Variants in HSPH1 observed in about 807,000 individuals in gnomAD.
HSPH1 encodes the protein heat shock protein family H (Hsp110) member 1.
HSPH1 carries 40 observed loss-of-function variants against 100.0 expected under a neutral mutation model. That is an observed-to-expected ratio of 0.40 (90% CI 0.31 to 0.52). The LOEUF is 0.52. HSPH1 is among the 20% of genes least tolerant of loss of function. The pLI is 0.54. For synonymous variants in HSPH1, 403 were observed against 344.0 expected, an observed-to-expected ratio of 1.17 and a Z score of -1.90; for missense variants, 876 against 1,015.1, an observed-to-expected ratio of 0.86 and a Z score of 1.86.
In HSPH1 at chr13:31,155,594, T is replaced by C. The variant is rs752122821; in HGVS notation, c.226A>G (p.Asn76Asp). Residue 76 changes from asparagine to aspartate, a missense_variant, in exon 3 of 18, where the codon AAT (asparagine) becomes GAT (aspartate). Physicochemically the swap from Asn to Asp is conservative, Grantham distance 23. Transcript: ENST00000320027. ...NFKRFHGRAF[N>D]DPFIQKEKEN... ...TTCTCCTTTTGAATGAAGGGGTCAT[T>C]GAATGCTCGGCCATGAAATCTTTTG... 11 of 1,611,672 alleles carry C rather than the reference T, an allele frequency of 6.8e-6. No individual in the cohort carries two copies. The highest frequency in any genetic ancestry group is 6.6e-5 in the South Asian group (6 of 90,856).
chr13:31,160,815 T>C (rs1956873285), intron 1 of HSPH1, among the ~76,000 whole-genome samples: 1 of 152,156 alleles, frequency 6.6e-6, no homozygotes, highest in African/African-American at 2.4e-5. Context: ...CTTTCGACAA[T>C]GATCCCGGGC....
At chr13:31,161,939 T>G (rs1442106236), upstream of HSPH1, 2 of 1,535,318 alleles carry the variant, frequency 1.3e-6, no homozygotes, top group Non-Finnish European at 8.7e-7. Context: ...GCCTTATGTA[T>G]CGCACTGATC....
rs1041568988 is a variant in HSPH1 at position 31,161,598 on chromosome 13, C to T, written c.-16G>A. ...CCACCGACATGGCCGGCTCGCGGTC[C>T]GCCTCCGCCTCGGGTCTCGGTCTGC... On this transcript the variant is annotated 5_prime_UTR_variant, in exon 1 of 18. Transcript: ENST00000320027. 4 of 1,611,072 alleles carry T rather than the reference C, an allele frequency of 2.5e-6. No individual in the cohort carries two copies. The highest frequency in any genetic ancestry group is 3.4e-6 in the Non-Finnish European group (4 of 1,179,420).
At chr13:31,152,014 G>GT (rs1956506048) in intron 5 of HSPH1, 1 of 324,834 alleles carries the variant, frequency 3.1e-6, no homozygotes, top group Non-Finnish European at 5.6e-6. Flanking sequence ...ACATAACCAC[G>GT]TATCACAGAC....
rs1033765327 is a variant in HSPH1, at chr13:31,136,404, T to C, written c.*914A>G. ...TAACGAAGTGTTAACAATGTTTTCT[T>C]CTGGGTGGCAAGATTTTAAGTTTTA... On this transcript the variant is annotated 3_prime_UTR_variant, in exon 18 of 18. Coordinates refer to ENST00000320027, the MANE Select transcript of HSPH1 (RefSeq NM_006644.4). The C allele has an allele frequency of 3.3e-5, 5 of 152,198 alleles. No homozygotes were observed. Among genetic ancestry groups the C allele is most frequent in the African/African-American group, 1.2e-4 (5 of 41,450 alleles). The allele number at this position is 152,198 out of a possible 1,614,324, so 9.4% of individuals were successfully genotyped here.
chr13:31,139,148 C>G (rs376722180), intron 14 of HSPH1, 41 bp from the exon 15 acceptor site: 1 of 1,216,562 alleles, frequency 8.2e-7, no homozygotes, highest in Non-Finnish European at 1.2e-6. Context: ...ACTCGTACTT[C>G]AGAATTTTTC....
intron 7 of HSPH1, among the ~76,000 whole-genome samples, chr13:31,150,589 T>G (rs1956451297): frequency 6.6e-6 from 1 of 152,118 alleles, no homozygotes; most frequent in South Asian, 2.1e-4. Context: ...ATGCAGCCCT[T>G]CTAAATGTTT....
At chr13:31,149,061 A>G (rs903981653) in intron 8 of HSPH1, among the ~76,000 whole-genome samples, 1 of 152,148 alleles carries the variant, frequency 6.6e-6, no homozygotes, top group Admixed American at 6.5e-5. Flanking sequence ...ATCATTTACT[A>G]TAGGATCCTT....
intron 11 of HSPH1, among the ~76,000 whole-genome samples, chr13:31,144,796 T>C (rs928649278): frequency 6.6e-6 from 1 of 152,180 alleles, no homozygotes; most frequent in African/African-American, 2.4e-5. Context: ...GCACTCATCA[T>C]TTAACCCATT....
At chr13:31,145,831 G>C (rs1373040048) in intron 10 of HSPH1, 63 bp from the exon 11 acceptor site, 1 of 1,490,186 alleles carries the variant, frequency 6.7e-7, no homozygotes, top group Non-Finnish European at 9.3e-7. Flanking sequence ...CTAAATCTCT[G>C]TAGAGGAGGC....
At chr13:31,145,944 G>A (rs1009211239) in intron 10 of HSPH1, among the ~76,000 whole-genome samples, 176 bp from the exon 11 acceptor site, 1 of 151,964 alleles carries the variant, frequency 6.6e-6, no homozygotes, top group Non-Finnish European at 1.5e-5. Flanking sequence ...AGTGAGATCT[G>A]TCTCTACAAA....
At chr13:31,154,920 G>A (rs1201119790) in intron 3 of HSPH1, among the ~76,000 whole-genome samples, 165 bp from the exon 4 acceptor site, 2 of 152,022 alleles carry the variant, frequency 1.3e-5, no homozygotes, top group African/African-American at 4.8e-5. Flanking sequence ...GAAGGGGAAG[G>A]AGGGAAGGGG....
intron 12 of HSPH1, among the ~76,000 whole-genome samples, chr13:31,141,878 G>A (rs1265835650): frequency 2.6e-5 from 4 of 151,586 alleles, no homozygotes; most frequent in Non-Finnish European, 5.9e-5. Context: ...AAGCAACTTT[G>A]CAAGGTAAAA....
chr13:31,147,896 T>A, intron 10 of HSPH1, 63 bp downstream of exon 10: 9 of 1,398,618 alleles, frequency 6.4e-6, no homozygotes, highest in Non-Finnish European at 8.7e-6. Context: ...TTAAAGTTTG[T>A]ACAATGAGTG....
At position 31,161,528 on chromosome 13, in the gene HSPH1, G is replaced by T. The variant is rs142399116; in HGVS notation, c.55C>A (p.Arg19=). The change falls in exon 1 of 18, where the codon CGG becomes AGG. Residue 19 remains arginine, a synonymous_variant. Coordinates refer to ENST00000320027, the MANE Select transcript of HSPH1 (RefSeq NM_006644.4). ...GCGATGGTCTCGATGCCCCCGGCCCGGGCTACCGCGATGTAGCAGCTCTGC... is the reference window on the plus strand; with the variant it reads ...GCGATGGTCTCGATGCCCCCGGCCCTGGCTACCGCGATGTAGCAGCTCTGC... The part of the protein sequence containing the change: ...GSQSCYIAVA[R]AGGIETIANE... 6.8e-6 allele frequency: 11 copies of T among 1,613,792 alleles called. No homozygotes were observed. Among genetic ancestry groups the T allele is most frequent in the Non-Finnish European group, 9.3e-6 (11 of 1,179,936 alleles).
chr13:31,145,910 GTT>G (rs1400421584), intron 10 of HSPH1, 142 bp from the exon 11 acceptor site: 2 of 650,588 alleles, frequency 3.1e-6, no homozygotes, highest in Admixed American at 2.6e-5. Context: ...GAGCCCAAGA[GTT>G]TGAGACCAGC....
At chr13:31,150,452 C>T (rs894108080) in intron 7 of HSPH1, among the ~76,000 whole-genome samples, 1 of 152,068 alleles carries the variant, frequency 6.6e-6, no homozygotes, top group Non-Finnish European at 1.5e-5. Context: ...AAAATTTTTC[C>T]CCCTGACACA....
intron 11 of HSPH1, among the ~76,000 whole-genome samples, chr13:31,144,480 G>C (rs919935636): frequency 2.0e-5 from 3 of 152,150 alleles, no homozygotes; most frequent in African/African-American, 7.2e-5. Context: ...AGATCTCAGA[G>C]TAAAGAATAA....
At position 31,136,136 on chromosome 13, in the gene HSPH1, T is replaced by TA. The variant is rs1374301539; in HGVS notation, c.*1181dup. ...ATTTTGTGCTTACAAAACAACCAGA[T>TA]AGATTCATTGCAGCATTATTTAGAA... On this transcript the variant is annotated 3_prime_UTR_variant, in exon 18 of 18. Transcript: ENST00000320027. 1 of 152,194 alleles carries TA rather than the reference T, an allele frequency of 6.6e-6. No homozygotes were observed. Among genetic ancestry groups the TA allele is most frequent in the Non-Finnish European group, 1.5e-5 (1 of 68,034 alleles). 9.4% of individuals were successfully genotyped at this position (152,194 alleles called of 1,614,324 possible). A position where few individuals can be genotyped will look rare whatever the true frequency, so the allele number is the denominator to read the frequency against.
Sources: allele counts gnomAD v4.1 joint callset (sites outside exome capture counted in the v4.1 genomes callset), GRCh38; gene constraint gnomAD v4.1.1; transcripts MANE v1.5; gene names NCBI Gene and HGNC (gene_info 2026-07-23, HGNC 2026-07-21).